ARPC1A: variants seen among roughly 807,000 people sequenced by gnomAD.
ARPC1A encodes the protein actin-related protein 2/3 complex subunit 1A.
In ARPC1A, 8 loss-of-function variants were observed where a neutral mutation model predicts 46.9. The ratio of observed to expected loss-of-function variants is 0.17; its 90% CI spans 0.10 to 0.31. ARPC1A has a LOEUF of 0.31. Among genes scored for constraint, ARPC1A ranks in the 10% least tolerant of loss-of-function variants. The pLI is 1.00. For missense variants in ARPC1A, 286 were observed against 483.6 expected (o/e 0.59, Z 3.83); for synonymous variants, 152 against 169.0 (o/e 0.90, Z 0.78).
At chr7:99,344,973 CCAGG>C (rs895798407) in intron 4 of ARPC1A, among the ~76,000 whole-genome samples, 16 of 123,376 alleles carry the variant, frequency 1.3e-4, no homozygotes, top group African/African-American at 5.7e-4. Flanking sequence ...ACTCTGTTGC[CCAGG>C]CTGGATGGAG....
intron 2 of ARPC1A, chr7:99,335,605 C>T (rs1007513653): frequency 7.6e-5 from 22 of 288,324 alleles, no homozygotes; most frequent in African/African-American, 4.4e-4. Flanking sequence ...TCTTTTAAGA[C>T]GTCAGCTGAG....
chr7:99,357,951 C>T (rs1793668937), intron 6 of ARPC1A, among the ~76,000 whole-genome samples: 1 of 152,228 alleles, frequency 6.6e-6, no homozygotes, highest in African/African-American at 2.4e-5. Flanking sequence ...CAGGTGTCTG[C>T]TGCCAAGTCA....
rs568201826 is a variant in ARPC1A, at chr7:99,332,238, G to A, written c.-29-1087G>A. Among the ~76,000 whole-genome samples the A allele has an allele frequency of 9.8e-5, 15 of 152,320 alleles. No individual in the cohort carries two copies. The East Asian group carries it at 2.9e-3, about 29-fold the overall frequency. On this transcript the variant is annotated intron_variant, in intron 1 of 9. Coordinates refer to ENST00000262942, the MANE Select transcript of ARPC1A (RefSeq NM_006409.4). ...TTTCTCCAGGATAGCCCTGTGACCTGTTGTGTTGGCATAATTATTATTTAT... is the reference window on the plus strand; with the variant it reads ...TTTCTCCAGGATAGCCCTGTGACCTATTGTGTTGGCATAATTATTATTTAT...
chr7:99,351,119 C>G (rs1223447929), intron 5 of ARPC1A, among the ~76,000 whole-genome samples: 1 of 152,068 alleles, frequency 6.6e-6, no homozygotes, highest in African/African-American at 2.4e-5. Flanking sequence ...ACCTGTGTTA[C>G]TTGTGATTTC....
chr7:99,365,946 G>A lies in ARPC1A; in HGVS notation c.*17G>A, dbSNP rs771197650. ...ATAATGTGAAGCTGAGTGAGCCTCCGCCATCCAGCATGACAAACTGTGGCC... is the reference window on the plus strand; with the variant it reads ...ATAATGTGAAGCTGAGTGAGCCTCCACCATCCAGCATGACAAACTGTGGCC... On this transcript the variant is annotated 3_prime_UTR_variant, in exon 10 of 10. Transcript: ENST00000262942. The A allele has an allele frequency of 9.6e-6, 15 of 1,565,724 alleles. No individual in the cohort carries two copies. The highest frequency in any genetic ancestry group is 2.7e-5 in the African/African-American group (2 of 74,060).
At chr7:99,329,628 G>A (rs767001802) in intron 1 of ARPC1A, among the ~76,000 whole-genome samples, 2 of 152,186 alleles carry the variant, frequency 1.3e-5, no homozygotes, top group Non-Finnish European at 2.9e-5. Context: ...AGAAGTACAG[G>A]TCTTAAGTGT....
chr7:99,344,160 G>A (rs1485254477), intron 3 of ARPC1A, 133 bp from the exon 4 acceptor site: 12 of 746,954 alleles, frequency 1.6e-5, no homozygotes, highest in Non-Finnish European at 2.5e-5. Flanking sequence ...GACATAGATA[G>A]TGGGAAGGAT....
intron 8 of ARPC1A, among the ~76,000 whole-genome samples, chr7:99,362,555 G>A (rs573142910): frequency 6.7e-6 from 1 of 149,322 alleles, no homozygotes; most frequent in East Asian, 2.0e-4. Context: ...TGTTAGTCAG[G>A]ATGGTCTCGA....
At chr7:99,361,833 T>C (rs1056046595) in intron 8 of ARPC1A, among the ~76,000 whole-genome samples, 6 of 152,212 alleles carry the variant, frequency 3.9e-5, no homozygotes, top group Admixed American at 3.9e-4. Flanking sequence ...TAGGTCTCTG[T>C]TGCAACTACT....
intron 5 of ARPC1A, among the ~76,000 whole-genome samples, chr7:99,351,026 T>TA (rs201317361): frequency 7.4e-5 from 11 of 147,790 alleles, no homozygotes; most frequent in South Asian, 2.1e-4. Context: ...ACTCAAAGCT[T>TA]AAAAAAAAAA....
chr7:99,364,303 G>T, intron 9 of ARPC1A, among the ~76,000 whole-genome samples: 1 of 116,528 alleles, frequency 8.6e-6, no homozygotes. Context: ...ACAGAGTTTC[G>T]CTCTTGTTGC....
chr7:99,352,622 C>T (rs1475388458), intron 5 of ARPC1A, among the ~76,000 whole-genome samples: 2 of 151,066 alleles, frequency 1.3e-5, no homozygotes, highest in African/African-American at 4.9e-5. Context: ...CACTACACTC[C>T]ATCCCGGGCA....
chr7:99,363,733 G>A, intron 9 of ARPC1A, 100 bp downstream of exon 9: 2 of 865,688 alleles, frequency 2.3e-6, no homozygotes, highest in Non-Finnish European at 3.5e-6. Context: ...TGGAGTAAGT[G>A]GCACAATCAT....
intron 3 of ARPC1A, among the ~76,000 whole-genome samples, chr7:99,339,512 CA>C (rs1341921379): frequency 1.3e-5 from 2 of 152,066 alleles, no homozygotes; most frequent in Non-Finnish European, 2.9e-5. Flanking sequence ...GGTGACACAG[CA>C]AGACCCTCAT....
rs1019930794 is a variant in ARPC1A at position 99,333,484 on chromosome 7, T to C, written c.64+67T>C. On this transcript the variant is annotated intron_variant, in intron 2 of 9. Transcript: ENST00000262942. ...TGGTACATTTCATCTTTAGACACAT[T>C]TAGGGCTCACATATCTCAGTATCAC... is the stretch of plus-strand genomic sequence containing the variant. 1.9e-5 allele frequency: 27 copies of C among 1,384,814 alleles called. No individual in the cohort carries two copies. The African/African-American group carries it at 3.0e-4, about 16-fold the overall frequency. The allele number at this position is 1,384,814 out of a possible 1,614,324, so 85.8% of individuals were successfully genotyped here. A position where few individuals can be genotyped will look rare whatever the true frequency, so the allele number is the denominator to read the frequency against.
intron 1 of ARPC1A, among the ~76,000 whole-genome samples, chr7:99,329,791 G>A (rs938949702): frequency 2.0e-5 from 3 of 152,196 alleles, no homozygotes; most frequent in Admixed American, 2.0e-4. Flanking sequence ...TTTGTCTGCA[G>A]CTGTACTTTT....
At chr7:99,358,444 G>T (rs761641718) in intron 7 of ARPC1A, 29 bp downstream of exon 7, 1 of 1,597,608 alleles carries the variant, frequency 6.3e-7, no homozygotes, top group South Asian at 1.1e-5. Flanking sequence ...TCTCCCTCGG[G>T]GTGCACTGTA....
At chr7:99,335,929 T>C (rs12531466) in intron 2 of ARPC1A, among the ~76,000 whole-genome samples, 53,610 of 151,258 alleles carry the variant, frequency 0.35, 16,004 homozygotes, top group African/African-American at 0.81. Flanking sequence ...ACTCCAGCCT[T>C]GGCAACAGAG....
chr7:99,351,172 C>T (rs1414761404), intron 5 of ARPC1A, among the ~76,000 whole-genome samples: 1 of 152,052 alleles, frequency 6.6e-6, no homozygotes, highest in Non-Finnish European at 1.5e-5. Flanking sequence ...GGCACTAACC[C>T]ACACCACCTG....
Sources: gnomAD v4.1 joint callset for allele counts (sites outside exome capture counted in the v4.1 genomes callset) on GRCh38, gnomAD v4.1.1 for gene constraint, MANE v1.5 for transcripts, NCBI Gene and HGNC (gene_info 2026-07-23, HGNC 2026-07-21) for gene names.